Variants in SLC14A1 observed in about 807,000 individuals in gnomAD.
SLC14A1 encodes urea transporter 1.
Under a neutral mutation model 39.6 loss-of-function variants are expected in SLC14A1, and 36 were observed. The ratio of observed to expected loss-of-function variants is 0.91; its 90% CI spans 0.70 to 1.20. The LOEUF is 1.20. SLC14A1 is among the 50% of genes most tolerant of loss of function. SLC14A1 has a pLI of 0.00. For missense variants in SLC14A1, 469 were observed against 478.7 expected (o/e 0.98, Z 0.19); for synonymous variants, 164 against 173.6 (o/e 0.94, Z 0.43).
chr18:45,749,392 G>A (rs921581177), intron 9 of SLC14A1, among the ~76,000 whole-genome samples: 18 of 152,104 alleles, frequency 1.2e-4, no homozygotes, highest in African/African-American at 4.3e-4. Flanking sequence ...AGAAGTCAAG[G>A]TCAGAGAGGT....
intron 2 of SLC14A1, among the ~76,000 whole-genome samples, chr18:45,728,251 C>T (rs544602539): frequency 3.3e-4 from 51 of 152,274 alleles, no homozygotes; most frequent in Non-Finnish European, 5.4e-4. Flanking sequence ...TCTGTATCTC[C>T]AAAATCTCTG....
chr18:45,734,931 A>G (rs2047142764), intron 5 of SLC14A1, among the ~76,000 whole-genome samples: 1 of 152,224 alleles, frequency 6.6e-6, no homozygotes, highest in African/African-American at 2.4e-5. Flanking sequence ...ATTTCCTTAC[A>G]ACCAGTTATT....
chr18:45,742,353 G>GTTTTTTTTTT (rs34628652), intron 8 of SLC14A1, among the ~76,000 whole-genome samples: 3 of 118,054 alleles, frequency 2.5e-5, no homozygotes, highest in East Asian at 2.4e-4. Context: ...TTGTTTTTTG[G>GTTTTTTTTTT]TTTTTTTTTT....
At position 45,739,659 on chromosome 18, in the gene SLC14A1, T is replaced by G; in HGVS notation, c.943T>G (p.Cys315Gly). The change falls in exon 8 of 10, where the codon TGT becomes GGT. Residue 315 changes from cysteine (C) to glycine (G), a missense_variant. Transcript: ENST00000321925. ...GCAAACCCACCTCCTGGCTCTTGGC[T>G]GTGGTGAGTCTCCCACGCCCCTGGG... is the stretch of plus-strand genomic sequence containing the variant. ...TWQTHLLALG[C>G]ALFTAYLGVG... 6.2e-7 allele frequency: 1 copy of G among 1,614,156 alleles called. No homozygotes were observed. The highest frequency in any genetic ancestry group is 1.1e-5 in the South Asian group (1 of 91,082).
Position 45,751,801 on chromosome 18 carries a change from TTAA to T in SLC14A1, c.*1852_*1854del. The T allele has an allele frequency of 1.1e-6, 1 of 874,574 alleles. No individual in the cohort carries two copies. Among genetic ancestry groups the T allele is most frequent in the East Asian group, 1.2e-4 (1 of 8,276 alleles). The allele number at this position is 874,574 out of a possible 1,614,324, so 54.2% of individuals were successfully genotyped here. Reference sequence around the variant, plus strand: ...TATCTCAAAAAAATTAATTAATTAATTAATTAATTAATTTAAAAAGGAAGTCAT... The same window carrying T: ...TATCTCAAAAAAATTAATTAATTAATTTAATTAATTTAAAAAGGAAGTCAT... On this transcript the variant is annotated 3_prime_UTR_variant, in exon 10 of 10. Coordinates refer to ENST00000321925, the MANE Select transcript of SLC14A1 (RefSeq NM_015865.7).
chr18:45,750,808 C>T lies in SLC14A1; in HGVS notation c.*857C>T. On this transcript the variant is annotated 3_prime_UTR_variant, in exon 10 of 10. Transcript: ENST00000321925. ...CAGCTTAGGCATTTTTACTTTAACC[C>T]CTAAATTGATTTTGTAAATGCCACA... 1 of 984,810 alleles carries T rather than the reference C, an allele frequency of 1.0e-6. No individual in the cohort carries two copies. Among genetic ancestry groups the T allele is most frequent in the African/African-American group, 1.7e-5 (1 of 57,294 alleles). 61.0% of individuals were successfully genotyped at this position (984,810 alleles called of 1,614,324 possible). A position where few individuals can be genotyped will look rare whatever the true frequency, so the allele number is the denominator to read the frequency against.
intron 2 of SLC14A1, among the ~76,000 whole-genome samples, chr18:45,728,199 G>A (rs1298424289): frequency 6.6e-6 from 1 of 152,186 alleles, no homozygotes; most frequent in Non-Finnish European, 1.5e-5. Flanking sequence ...GGCCGCTCAG[G>A]CTCTCAATCA....
At position 45,734,288 on chromosome 18, in the gene SLC14A1, C is replaced by T. The variant is rs1220165848; in HGVS notation, c.356C>T (p.Ser119Phe). Residue 119 changes from serine to phenylalanine, a missense_variant, in exon 5 of 10, where the codon TCT becomes TTT. By Grantham distance (155) the Ser-to-Phe change is radical. Transcript: ENST00000321925. Reference protein sequence around the residue: ...LLSQDRSLIASGLYGYNATLV... With the variant: ...LLSQDRSLIAFGLYGYNATLV... ...TTGCCCCACAGGTCATTAATAGCAT[C>T]TGGGCTCTATGGCTACAATGCCACC... 4.3e-6 allele frequency: 7 copies of T among 1,614,030 alleles called. No homozygotes were observed. The East Asian group carries it at 1.6e-4, about 36-fold the overall frequency.
intron 4 of SLC14A1, among the ~76,000 whole-genome samples, chr18:45,733,518 T>C (rs566694481): frequency 1.8e-4 from 28 of 152,364 alleles, no homozygotes; most frequent in Middle Eastern, 3.4e-3. Flanking sequence ...AGGAATCTTA[T>C]ATCTCTCACC....
chr18:45,735,726 C>T (rs1377332771), intron 5 of SLC14A1, among the ~76,000 whole-genome samples: 1 of 152,146 alleles, frequency 6.6e-6, no homozygotes, highest in Non-Finnish European at 1.5e-5. Context: ...AGAATAGGTT[C>T]GTGGGAAGGA....
At chr18:45,731,463 T>G in intron 4 of SLC14A1, 1 of 518,036 alleles carries the variant, frequency 1.9e-6, no homozygotes, top group East Asian at 3.5e-5. Context: ...CTACAAGTAT[T>G]TCCCTGGAGA....
chr18:45,745,536 A>C (rs1034253989), intron 8 of SLC14A1, among the ~76,000 whole-genome samples: 1 of 152,204 alleles, frequency 6.6e-6, no homozygotes, highest in Non-Finnish European at 1.5e-5. Flanking sequence ...TGCTGGGGGA[A>C]GTTCAGATTG....
chr18:45,745,549 T>C (rs2047523372), intron 8 of SLC14A1, among the ~76,000 whole-genome samples: 1 of 152,182 alleles, frequency 6.6e-6, no homozygotes, highest in Non-Finnish European at 1.5e-5. Flanking sequence ...TCAGATTGCT[T>C]CTAGTTTGAA....
rs771040146 is a variant in SLC14A1, at chr18:45,748,368, T to G, written c.947-8T>G. 3 of 1,614,166 alleles carry G rather than the reference T, an allele frequency of 1.9e-6. No individual in the cohort carries two copies. Among genetic ancestry groups the G allele is most frequent in the Non-Finnish European group, 1.7e-6 (2 of 1,179,994 alleles). ...GCATTGTTCTTTCCCTCCTTTTTTT[T>G]TCTGTAGCCCTGTTCACGGCCTATC... On this transcript the variant is annotated splice_region_variant and splice_polypyrimidine_tract_variant and intron_variant, in intron 8 of 9. Transcript: ENST00000321925.
chr18:45,737,154 G>A (rs999016953), intron 6 of SLC14A1, among the ~76,000 whole-genome samples: 1 of 152,306 alleles, frequency 6.6e-6, no homozygotes, highest in African/African-American at 2.4e-5. Flanking sequence ...CACCTGGGGA[G>A]CTTTAAATAC....
chr18:45,728,159 T>G (rs778874191), intron 2 of SLC14A1, among the ~76,000 whole-genome samples: 1 of 152,220 alleles, frequency 6.6e-6, no homozygotes, highest in Non-Finnish European at 1.5e-5. Flanking sequence ...TAATCTTTAC[T>G]TAACTTTGGG....
chr18:45,745,620 C>T (rs1375025277), intron 8 of SLC14A1, among the ~76,000 whole-genome samples: 1 of 152,138 alleles, frequency 6.6e-6, no homozygotes, highest in Non-Finnish European at 1.5e-5. Flanking sequence ...GTACTTTGTA[C>T]AAGCATTTCT....
intron 4 of SLC14A1, among the ~76,000 whole-genome samples, chr18:45,732,677 C>G (rs562223507): frequency 1.3e-5 from 2 of 152,206 alleles, no homozygotes; most frequent in Non-Finnish European, 2.9e-5. Flanking sequence ...ACCTCCTGCT[C>G]GAGCCCAGCA....
intron 2 of SLC14A1, among the ~76,000 whole-genome samples, chr18:45,726,032 CTT>C (rs2046854774): frequency 6.6e-6 from 1 of 152,106 alleles, no homozygotes; most frequent in Non-Finnish European, 1.5e-5. Context: ...TTTCTTATTT[CTT>C]TGTTTTTAGC....
Sources: allele counts gnomAD v4.1 joint callset (sites outside exome capture counted in the v4.1 genomes callset), GRCh38; gene constraint gnomAD v4.1.1; transcripts MANE v1.5; gene names NCBI Gene and HGNC (gene_info 2026-07-23, HGNC 2026-07-21).